Variants in WIPF2 observed in about 807,000 individuals in gnomAD.
WIPF2 encodes WAS/WASL interacting protein family member 2.
In WIPF2, 23 loss-of-function variants were observed where a neutral mutation model predicts 38.8. The observed-to-expected ratio is 0.59, with a 90% CI of 0.43 to 0.84. The LOEUF (loss-of-function observed/expected upper bound fraction) is 0.84, where lower values mean the gene tolerates loss of function less well. WIPF2 is among the 40% of genes least tolerant of loss of function. The pLI, the probability that WIPF2 is intolerant of heterozygous loss-of-function variation, is 0.00. For synonymous variants in WIPF2, 210 were observed against 223.2 expected, an observed-to-expected ratio of 0.94 and a Z score of 0.53; for missense variants, 574 against 580.5, an observed-to-expected ratio of 0.99 and a Z score of 0.11.
intron 1 of WIPF2, among the ~76,000 whole-genome samples, chr17:40,251,131 G>A (rs529279439): frequency 9.3e-4 from 142 of 151,930 alleles, no homozygotes; most frequent in African/African-American, 3.3e-3. Flanking sequence ...AGCCAGGATG[G>A]TCTCAATCTC....
At position 40,264,862 on chromosome 17, in the gene WIPF2, C is replaced by T. The variant is rs1403624016; in HGVS notation, c.686C>T (p.Pro229Leu). Residue 229 changes from proline (P) to leucine (L), a missense_variant, in exon 5 of 8, where the codon CCA (proline) becomes CTA (leucine). Transcript: ENST00000323571. The stretch of plus-strand genomic sequence containing the variant: ...CGAGAGGGACCTCCTGCTCCACCCC[C>T]AGTCAAACCACCTCCTTCCCCTGTG... ...PGREGPPAPPPVKPPPSPVNI... is the reference protein window; with the variant it reads ...PGREGPPAPPLVKPPPSPVNI... 5.6e-6 allele frequency: 9 copies of T among 1,614,100 alleles called. No individual in the cohort carries two copies. The Admixed American group carries it at 1.0e-4, about 18-fold the overall frequency.
At chr17:40,253,250 G>A (rs953698486) in intron 1 of WIPF2, among the ~76,000 whole-genome samples, 4 of 151,818 alleles carry the variant, frequency 2.6e-5, no homozygotes, top group African/African-American at 9.7e-5. Flanking sequence ...TTTTAGTAGA[G>A]ACAGGGTTTC....
At chr17:40,276,484 G>A (rs2032402865) in intron 6 of WIPF2, among the ~76,000 whole-genome samples, 2 of 120,862 alleles carry the variant, frequency 1.7e-5, no homozygotes, top group Non-Finnish European at 3.2e-5. Context: ...TCATGCCACC[G>A]CACCCCAGTC....
At chr17:40,258,545 C>T (rs182108045) in intron 2 of WIPF2, among the ~76,000 whole-genome samples, 3,364 of 151,988 alleles carry the variant, frequency 0.022, 67 homozygotes, top group Non-Finnish European at 0.034. Flanking sequence ...GAGCCGAGAT[C>T]GCGCCACTGC....
chr17:40,256,647 T>A (rs1261914722), intron 2 of WIPF2, 125 bp downstream of exon 2: 6 of 1,285,906 alleles, frequency 4.7e-6, no homozygotes, highest in Non-Finnish European at 5.2e-6. Context: ...CTAGTAGCAT[T>A]CCTATTCTTT....
chr17:40,258,858 G>T (rs1414531192), intron 2 of WIPF2, among the ~76,000 whole-genome samples: 2 of 151,206 alleles, frequency 1.3e-5, no homozygotes, highest in African/African-American at 4.9e-5. Context: ...ATAACTCACT[G>T]CAGCCTCTAA....
chr17:40,255,638 T>G (rs2031700070), intron 1 of WIPF2, among the ~76,000 whole-genome samples: 1 of 150,122 alleles, frequency 6.7e-6, no homozygotes, highest in Non-Finnish European at 1.5e-5. Flanking sequence ...ATTTTTTTTT[T>G]TTTTTTTTGA....
intron 1 of WIPF2, among the ~76,000 whole-genome samples, chr17:40,234,291 G>A (rs915068008): frequency 5.3e-5 from 8 of 151,468 alleles, no homozygotes; most frequent in East Asian, 3.9e-4. Flanking sequence ...CTAGCTACTC[G>A]GGAGGCGCAT....
chr17:40,220,612 TA>T (rs1455139390), intron 1 of WIPF2: 22 of 123,846 alleles, frequency 1.8e-4, no homozygotes, highest in Non-Finnish European at 2.8e-4. Context: ...TATATATATA[TA>T]TATATGTATA....
At chr17:40,269,310 ACT>A (rs1479705290) in intron 5 of WIPF2, among the ~76,000 whole-genome samples, 1 of 151,906 alleles carries the variant, frequency 6.6e-6, no homozygotes, top group African/African-American at 2.4e-5. Flanking sequence ...ACTGAGCGAG[ACT>A]CTGTCTCAAA....
At chr17:40,254,218 T>C (rs1350657296) in intron 1 of WIPF2, among the ~76,000 whole-genome samples, 1 of 152,132 alleles carries the variant, frequency 6.6e-6, no homozygotes, top group Non-Finnish European at 1.5e-5. Context: ...GATTTCACCA[T>C]GTTGTCCAGA....
At chr17:40,252,430 G>C (rs2145353115) in intron 1 of WIPF2, among the ~76,000 whole-genome samples, 1 of 152,210 alleles carries the variant, frequency 6.6e-6, no homozygotes, top group South Asian at 2.1e-4. Context: ...TTGGGTGGCC[G>C]AGGCGTGAGG....
chr17:40,268,842 CTCT>C (rs1324704202), intron 5 of WIPF2, among the ~76,000 whole-genome samples: 2 of 152,120 alleles, frequency 1.3e-5, no homozygotes, highest in Non-Finnish European at 2.9e-5. Context: ...ATCACTGATT[CTCT>C]TTTCTCACCG....
At chr17:40,253,737 T>C (rs1381201272) in intron 1 of WIPF2, among the ~76,000 whole-genome samples, 1 of 152,148 alleles carries the variant, frequency 6.6e-6, no homozygotes, top group East Asian at 1.9e-4. Context: ...CATTTTTTTG[T>C]GGTTAGAGGA....
intron 1 of WIPF2, among the ~76,000 whole-genome samples, chr17:40,251,022 T>G (rs2031545857): frequency 6.7e-6 from 1 of 149,472 alleles, no homozygotes; most frequent in Admixed American, 6.7e-5. Context: ...CATGCTATTC[T>G]CCTGCCTCAG....
In WIPF2 at chr17:40,279,876, A is replaced by G. The variant is rs1414806706; in HGVS notation, c.*1651A>G. ...AAAAAAAAAAAAAAAAAAAAATTTA[A>G]TCACACACATCACAGGCTTAAACTG... On this transcript the variant is annotated 3_prime_UTR_variant, in exon 8 of 8. Transcript: ENST00000323571. 2.0e-5 allele frequency: 3 copies of G among 151,456 alleles called. No individual in the cohort carries two copies. The highest frequency in any genetic ancestry group is 4.4e-5 in the Non-Finnish European group (3 of 67,998). The allele number at this position is 151,456 out of a possible 1,614,324, so 9.4% of individuals were successfully genotyped here. A position where few individuals can be genotyped will look rare whatever the true frequency, so the allele number is the denominator to read the frequency against.
chr17:40,277,421 C>G (rs947263716), intron 7 of WIPF2, among the ~76,000 whole-genome samples: 8 of 152,078 alleles, frequency 5.3e-5, no homozygotes, highest in African/African-American at 1.9e-4. Context: ...GTGGCTTATG[C>G]CTATAATCCC....
chr17:40,262,536 A>T lies in WIPF2; in HGVS notation c.208A>T (p.Ser70Cys), dbSNP rs1369692188. 6.2e-7 allele frequency: 1 copy of T among 1,613,900 alleles called. No homozygotes were observed. The highest frequency in any genetic ancestry group is 1.3e-5 in the African/African-American group (1 of 75,068). The change falls in exon 4 of 8, where the codon AGC becomes TGC. Residue 70 changes from serine (S) to cysteine (C), a missense_variant. Ser to Cys is a moderately radical substitution (Grantham distance 112). Transcript: ENST00000323571. Reference sequence around the variant, plus strand: ...GGTATGCTTTCCAGAGCCGAAAGGAAGCAGTGGTGGCTATGGCTCTGGAGG... The same window carrying T: ...GGTATGCTTTCCAGAGCCGAAAGGATGCAGTGGTGGCTATGGCTCTGGAGG... Reference protein sequence around the residue: ...SAPILEKPKGSSGGYGSGGAA... With the variant: ...SAPILEKPKGCSGGYGSGGAA...
intron 1 of WIPF2, among the ~76,000 whole-genome samples, chr17:40,224,226 C>CT (rs1349464747): frequency 1.5e-5 from 2 of 131,006 alleles, no homozygotes; most frequent in African/African-American, 2.8e-5. Context: ...TTTTTCTTTT[C>CT]TTTTCTTTTT....
Sources: gnomAD v4.1 joint callset for allele counts (sites outside exome capture counted in the v4.1 genomes callset) on GRCh38, gnomAD v4.1.1 for gene constraint, MANE v1.5 for transcripts, NCBI Gene and HGNC (gene_info 2026-07-23, HGNC 2026-07-21) for gene names.